The following SGCD variants were observed in gnomAD, a reference collection of about 807,000 sequenced individuals.
SGCD encodes delta-sarcoglycan.
SGCD carries 18 observed loss-of-function variants against 36.6 expected under a neutral mutation model. That is an observed-to-expected ratio of 0.49 (90% CI 0.34 to 0.73). SGCD has a LOEUF of 0.73. Ranked by LOEUF, SGCD falls within the 30% of genes least tolerant of loss-of-function variation. The pLI, the probability that SGCD is intolerant of heterozygous loss-of-function variation, is 0.01. For missense variants in SGCD, 387 were observed against 346.7 expected (o/e 1.12, Z -0.92); for synonymous variants, 133 against 130.6 (o/e 1.02, Z -0.12).
chr5:156,593,114 T>A (rs1393804615), intron 5 of SGCD, among the ~76,000 whole-genome samples: 1 of 152,148 alleles, frequency 6.6e-6, no homozygotes, highest in African/African-American at 2.4e-5. Context: ...CAGTAGGCAG[T>A]GATAGTCCAA....
chr5:155,982,547 G>A (rs184378820), intron 1 of SGCD, among the ~76,000 whole-genome samples: 2 of 152,178 alleles, frequency 1.3e-5, no homozygotes, highest in African/African-American at 4.8e-5. Flanking sequence ...ACTGTCCCTC[G>A]CTGCCCTTCC....
At chr5:156,369,056 C>G (rs562571810) in intron 3 of SGCD, among the ~76,000 whole-genome samples, 2 of 152,296 alleles carry the variant, frequency 1.3e-5, no homozygotes, top group South Asian at 4.1e-4. Context: ...CTGTAATTCT[C>G]TGCAGCTCTG....
chr5:156,304,059 G>C (rs999170458), intron 3 of SGCD, among the ~76,000 whole-genome samples: 3 of 152,028 alleles, frequency 2.0e-5, no homozygotes, highest in Admixed American at 6.6e-5. Context: ...AGTCCTTGTG[G>C]CCTAGACTGC....
chr5:156,587,556 C>G (rs1234724612), intron 4 of SGCD, among the ~76,000 whole-genome samples: 1 of 152,102 alleles, frequency 6.6e-6, no homozygotes. Flanking sequence ...TGAAAGCCAC[C>G]TGGGGATGGG....
Position 156,763,883 on chromosome 5 carries a change from T to G in SGCD, c.*4493T>G, listed in dbSNP as rs1757540137. On this transcript the variant is annotated 3_prime_UTR_variant, in exon 9 of 9. Coordinates refer to ENST00000337851, the MANE Select transcript of SGCD (RefSeq NM_000337.6). ...TTATTTGGAAACAGTTGAAATAAACTGGCAGCAGCTAGATCAGAGTATCTT... is the reference window on the plus strand; with the variant it reads ...TTATTTGGAAACAGTTGAAATAAACGGGCAGCAGCTAGATCAGAGTATCTT... The G allele has an allele frequency of 6.6e-6, 1 of 152,138 alleles. No homozygotes were observed. Among genetic ancestry groups the G allele is most frequent in the South Asian group, 2.1e-4 (1 of 4,822 alleles). The allele number at this position is 152,138 out of a possible 1,614,324, so 9.4% of individuals were successfully genotyped here.
chr5:156,612,529 C>A (rs1478391521), intron 6 of SGCD, among the ~76,000 whole-genome samples: 1 of 152,244 alleles, frequency 6.6e-6, no homozygotes, highest in Non-Finnish European at 1.5e-5. Context: ...TTGGACTGGA[C>A]ATGTGCAGGT....
At chr5:156,018,350 C>T (rs2127572644) in intron 1 of SGCD, among the ~76,000 whole-genome samples, 1 of 152,220 alleles carries the variant, frequency 6.6e-6, no homozygotes, top group Non-Finnish European at 1.5e-5. Flanking sequence ...ACTACACTAT[C>T]CCATATTATG....
intron 1 of SGCD, among the ~76,000 whole-genome samples, chr5:155,919,621 C>G (rs530490961): frequency 6.2e-4 from 94 of 152,258 alleles, no homozygotes; most frequent in Non-Finnish European, 1.0e-3. Context: ...TTGCCAACAT[C>G]CCTTTTACCT....
intron 3 of SGCD, among the ~76,000 whole-genome samples, chr5:156,464,928 G>A (rs959063834): frequency 2.0e-5 from 3 of 151,934 alleles, no homozygotes; most frequent in South Asian, 2.1e-4. Context: ...TTAACATTAC[G>A]GCATTTTTCT....
At chr5:156,368,004 T>C (rs1328886448) in intron 3 of SGCD, among the ~76,000 whole-genome samples, 1 of 152,226 alleles carries the variant, frequency 6.6e-6, no homozygotes, top group Non-Finnish European at 1.5e-5. Context: ...CAAAACATAC[T>C]AAAACCTATC....
intron 1 of SGCD, among the ~76,000 whole-genome samples, chr5:155,876,425 C>T (rs1755769075): frequency 6.6e-6 from 1 of 151,880 alleles, no homozygotes; most frequent in Admixed American, 6.6e-5. Context: ...TGCAAAGCAC[C>T]ACATGAATGG....
chr5:156,263,819 A>G (rs1318271391), intron 3 of SGCD, among the ~76,000 whole-genome samples: 3 of 152,222 alleles, frequency 2.0e-5, no homozygotes, highest in Middle Eastern at 3.4e-3. Context: ...TGGCTTGTCA[A>G]TTATCCCAGC....
At chr5:155,956,803 C>T (rs941827597) in intron 1 of SGCD, among the ~76,000 whole-genome samples, 4 of 150,810 alleles carry the variant, frequency 2.7e-5, no homozygotes, top group Middle Eastern at 3.4e-3. Flanking sequence ...CAGGGCCCCC[C>T]CCCCCGGTTA....
the SGCD span, among the ~76,000 whole-genome samples, chr5:155,842,244 G>T: frequency 9.6e-6 from 1 of 104,212 alleles, no homozygotes; most frequent in African/African-American, 4.7e-5. Context: ...CTCATTTGAG[G>T]TGTTTTTTTT....
intron 1 of SGCD, among the ~76,000 whole-genome samples, chr5:156,038,494 G>T (rs1011060809): frequency 6.6e-6 from 1 of 151,984 alleles, no homozygotes; most frequent in African/African-American, 2.4e-5. Context: ...ATAAGATGTT[G>T]ATCTTAGGGA....
chr5:155,836,470 A>ACC, the SGCD span, among the ~76,000 whole-genome samples: 268 of 87,384 alleles, frequency 3.1e-3, 1 homozygote, highest in African/African-American at 0.013. Flanking sequence ...TCTGATACCC[A>ACC]CCCCCGCCCC....
chr5:156,281,574 G>A (rs985035734), intron 3 of SGCD, among the ~76,000 whole-genome samples: 1 of 152,152 alleles, frequency 6.6e-6, no homozygotes, highest in African/African-American at 2.4e-5. Flanking sequence ...GAAGGGATGT[G>A]ATAGTGAACA....
At chr5:156,135,408 C>T (rs1238990494) in intron 3 of SGCD, among the ~76,000 whole-genome samples, 6 of 152,170 alleles carry the variant, frequency 3.9e-5, no homozygotes, top group Non-Finnish European at 8.8e-5. Flanking sequence ...ATATAAGACA[C>T]CTGGTACATG....
chr5:156,646,967 A>G lies in SGCD; in HGVS notation c.503-497A>G, dbSNP rs188819349. Among the ~76,000 whole-genome samples the G allele has an allele frequency of 1.4e-4, 22 of 152,326 alleles. No individual in the cohort carries two copies. The East Asian group carries it at 4.2e-3, about 29-fold the overall frequency. ...TCTATTTTGCTTAACTTTTCAAGAT[A>G]ATAATGTAGAACTTTATTTACTGAA... On this transcript the variant is annotated intron_variant, in intron 6 of 8. Transcript: ENST00000337851.
Sources: gnomAD v4.1 joint callset for allele counts (sites outside exome capture counted in the v4.1 genomes callset) on GRCh38, gnomAD v4.1.1 for gene constraint, MANE v1.5 for transcripts, NCBI Gene and HGNC (gene_info 2026-07-23, HGNC 2026-07-21) for gene names.